The following PRKN variants were observed in gnomAD, a reference collection of about 807,000 sequenced individuals.
PRKN encodes E3 ubiquitin-protein ligase parkin.
Under a neutral mutation model 59.5 loss-of-function variants are expected in PRKN, and 56 were observed. The ratio of observed to expected loss-of-function variants is 0.94; its 90% CI spans 0.76 to 1.18. The LOEUF (loss-of-function observed/expected upper bound fraction) is 1.18, where lower values mean the gene tolerates loss of function less well. Ranked by LOEUF, PRKN falls within the 50% of genes most tolerant of loss-of-function variation. The pLI, the probability that PRKN is intolerant of heterozygous loss-of-function variation, is 0.00. For synonymous variants in PRKN, 250 were observed against 222.1 expected (o/e 1.13, Z -1.12); for missense variants, 657 against 596.4 (o/e 1.10, Z -1.06).
At chr6:162,405,171 C>T (rs548957371) in intron 2 of PRKN, among the ~76,000 whole-genome samples, 22 of 152,188 alleles carry the variant, frequency 1.4e-4, no homozygotes, top group Admixed American at 2.6e-4. Flanking sequence ...TGTTCTGACA[C>T]TTGGACGTCT....
At chr6:162,130,962 C>T (rs1781328045) in intron 4 of PRKN, among the ~76,000 whole-genome samples, 1 of 152,128 alleles carries the variant, frequency 6.6e-6, no homozygotes, top group South Asian at 2.1e-4. Flanking sequence ...TTTAGATAAT[C>T]TTAACAGCTC....
chr6:162,498,288 G>A (rs1246328354), intron 1 of PRKN, among the ~76,000 whole-genome samples: 2 of 151,322 alleles, frequency 1.3e-5, no homozygotes, highest in African/African-American at 2.4e-5. Flanking sequence ...CCTGAAGAAC[G>A]GAGCTTTGTC....
chr6:161,599,905 A>T (rs1306339940), intron 7 of PRKN, among the ~76,000 whole-genome samples: 3 of 152,218 alleles, frequency 2.0e-5, no homozygotes, highest in Non-Finnish European at 4.4e-5. Flanking sequence ...CAACACAGGG[A>T]TTCTCAAATG....
intron 7 of PRKN, among the ~76,000 whole-genome samples, chr6:161,685,821 A>G (rs1785530609): frequency 6.6e-6 from 1 of 152,152 alleles, no homozygotes; most frequent in South Asian, 2.1e-4. Context: ...TGCTGTAACA[A>G]ATTAAGGTCT....
intron 2 of PRKN, among the ~76,000 whole-genome samples, chr6:162,303,610 C>T (rs773415661): frequency 5.7e-4 from 83 of 145,524 alleles, no homozygotes; most frequent in Non-Finnish European, 5.7e-4. Flanking sequence ...GATTAGGAAG[C>T]TGTAAAAAAA....
intron 5 of PRKN, among the ~76,000 whole-genome samples, chr6:162,010,596 TAA>T (rs1782517929): frequency 1.1e-4 from 1 of 9,446 alleles, no homozygotes; most frequent in Non-Finnish European, 1.4e-4. Flanking sequence ...ATATATAATA[TAA>T]TATATATTAT....
At chr6:162,017,140 T>G (rs1327863416) in intron 5 of PRKN, among the ~76,000 whole-genome samples, 6 of 152,206 alleles carry the variant, frequency 3.9e-5, no homozygotes, top group Non-Finnish European at 5.9e-5. Flanking sequence ...TGTGGCTTCA[T>G]GAAAATGTTG....
rs2128100060 is a variant in PRKN, at chr6:162,262,604, G to A, written c.333C>T (p.Val111=). ...CCAGCCCCACAGAGTCTCCTGGGAG[G>A]ACTGAGCTGCTGAGGTCCACCCGAG... ...SLTRVDLSSS[V]LPGDSVGLAV... Residue 111 remains valine, a synonymous_variant, in exon 3 of 12, where the codon GTC becomes GTT. Coordinates refer to ENST00000366898, the MANE Select transcript of PRKN (RefSeq NM_004562.3). The A allele has an allele frequency of 6.2e-7, 1 of 1,613,870 alleles. No homozygotes were observed. The highest frequency in any genetic ancestry group is 2.2e-5 in the East Asian group (1 of 44,858).
At chr6:162,484,507 T>C (rs1446270007) in intron 1 of PRKN, among the ~76,000 whole-genome samples, 1 of 152,176 alleles carries the variant, frequency 6.6e-6, no homozygotes, top group African/African-American at 2.4e-5. Context: ...AATGTTGGCA[T>C]CTGTTGAGAT....
At chr6:162,322,224 C>G (rs190803549) in intron 2 of PRKN, among the ~76,000 whole-genome samples, 35 of 151,770 alleles carry the variant, frequency 2.3e-4, no homozygotes, top group African/African-American at 7.7e-4. Context: ...ATAAAATACG[C>G]AAAAATAAAT....
At position 161,973,344 on chromosome 6, in the gene PRKN, G is replaced by T. The variant is rs764754559; in HGVS notation, c.692C>A (p.Thr231Lys). 1.9e-6 allele frequency: 3 copies of T among 1,613,788 alleles called. No individual in the cohort carries two copies. The African/African-American group carries it at 4.0e-5, about 22-fold the overall frequency. The part of the protein sequence containing the change: ...ETSVALHLIA[T>K]NSRNITCITC... ...AATGCAAGTGATGTTCCGACTATTT[G>T]TTGCGATCAGGTGCAAAGCTACTGA... The change falls in exon 6 of 12, where the codon ACA becomes AAA. Residue 231 changes from threonine to lysine, a missense_variant. By Grantham distance (78) the Thr-to-Lys change is moderately conservative. Coordinates refer to ENST00000366898, the MANE Select transcript of PRKN (RefSeq NM_004562.3).
At chr6:162,290,180 C>A (rs1429997089) in intron 2 of PRKN, among the ~76,000 whole-genome samples, 1 of 152,166 alleles carries the variant, frequency 6.6e-6, no homozygotes, top group Non-Finnish European at 1.5e-5. Flanking sequence ...GGCTGACTGT[C>A]ATTCCCTCTC....
chr6:161,680,757 A>G (rs1562603816), intron 7 of PRKN, among the ~76,000 whole-genome samples: 1 of 14,164 alleles, frequency 7.1e-5, no homozygotes, highest in African/African-American at 2.5e-4. Context: ...ATATATATAT[A>G]TATATATATA....
intron 9 of PRKN, among the ~76,000 whole-genome samples, chr6:161,411,900 T>C (rs1190774349): frequency 6.8e-6 from 1 of 147,332 alleles, no homozygotes; most frequent in East Asian, 2.1e-4. Context: ...CATTCATTCC[T>C]CCACTCACTC....
intron 2 of PRKN, chr6:162,275,298 A>G (rs1780584546): frequency 6.6e-6 from 1 of 151,896 alleles, no homozygotes; most frequent in Non-Finnish European, 1.5e-5. Flanking sequence ...TAATATTATC[A>G]CTTCTTCTCA....
intron 3 of PRKN, among the ~76,000 whole-genome samples, chr6:162,246,126 T>G (rs535059803): frequency 9.6e-5 from 14 of 146,338 alleles, no homozygotes; most frequent in African/African-American, 2.2e-4. Context: ...CCCTGCTTGT[T>G]GCAGGCTGAA....
rs189997472 is a variant in PRKN at position 161,455,227 on chromosome 6, C to T, written c.1084-68350G>A. Among the ~76,000 whole-genome samples the T allele has an allele frequency of 5.7e-3, 867 of 151,992 alleles. 8 individuals carry two copies. The highest frequency in any genetic ancestry group is 9.6e-3 in the South Asian group (46 of 4,806). ...CTAATTTTTGTATTTTTAGTAGAGA[C>T]GGAGTTTCACAATCTTGGCCAGGCT... On this transcript the variant is annotated intron_variant, in intron 9 of 11. Coordinates refer to ENST00000366898, the MANE Select transcript of PRKN (RefSeq NM_004562.3).
At chr6:162,444,897 C>T (rs922374040) in intron 1 of PRKN, among the ~76,000 whole-genome samples, 4 of 152,160 alleles carry the variant, frequency 2.6e-5, no homozygotes, top group South Asian at 2.1e-4. Context: ...CCATATTATT[C>T]GGTTCATTAA....
chr6:161,391,352 G>A lies in PRKN; in HGVS notation c.1084-4475C>T, dbSNP rs1437864717. 2.0e-5 allele frequency among the ~76,000 whole-genome samples: 3 copies of A among 151,926 alleles called. No individual in the cohort carries two copies. Among genetic ancestry groups the A allele is most frequent in the African/African-American group, 4.8e-5 (2 of 41,312 alleles). ...TGGAAGTTAGTATACCAGGAAACAT[G>A]GAGTCCTGTTTATACCGTATACATT... On this transcript the variant is annotated intron_variant, in intron 9 of 11. Coordinates refer to ENST00000366898, the MANE Select transcript of PRKN (RefSeq NM_004562.3). The surrounding 1 kb of genome is among the most constrained non-coding windows in gnomAD (Gnocchi z 4.9).
Sources: allele counts gnomAD v4.1 joint callset (sites outside exome capture counted in the v4.1 genomes callset), GRCh38; gene constraint gnomAD v4.1.1; non-coding constraint Gnocchi (gnomAD v3.1); transcripts MANE v1.5; gene names NCBI Gene and HGNC (gene_info 2026-07-23, HGNC 2026-07-21).